STAT1: variants seen among roughly 807,000 people sequenced by gnomAD.
The protein encoded by STAT1 is signal transducer and activator of transcription 1-alpha/beta.
A neutral mutation model predicts 111.7 loss-of-function variants in STAT1; 24 were observed. The ratio of observed to expected loss-of-function variants is 0.21; its 90% CI spans 0.16 to 0.30. STAT1 has a LOEUF of 0.30. STAT1 is among the 10% of genes least tolerant of loss of function. The pLI, the probability that STAT1 is intolerant of heterozygous loss-of-function variation, is 1.00. For synonymous variants in STAT1, 332 were observed against 326.5 expected (o/e 1.02, Z -0.18); for missense variants, 351 against 911.9 (o/e 0.38, Z 7.92).
rs1465677837 is a variant in STAT1, at chr2:191,003,866, G to A, written c.373-2703C>T. On this transcript the variant is annotated intron_variant, in intron 5 of 24. Coordinates refer to ENST00000361099, the MANE Select transcript of STAT1 (RefSeq NM_007315.4). The surrounding 1 kb of genome is among the most constrained non-coding windows in gnomAD (Gnocchi z 4.0). The stretch of plus-strand genomic sequence containing the variant: ...AGCTGGGACACTACACCTAGAGAGA[G>A]GGACCAGGCCACTGGAGAATTCTGA... Among the ~76,000 whole-genome samples the A allele has an allele frequency of 6.6e-6, 1 of 152,196 alleles. No individual in the cohort carries two copies. Among genetic ancestry groups the A allele is most frequent in the Non-Finnish European group, 1.5e-5 (1 of 68,040 alleles).
chr2:190,991,165 A>T (rs1693301001), intron 11 of STAT1, 63 bp downstream of exon 11: 7 of 1,530,642 alleles, frequency 4.6e-6, no homozygotes, highest in Non-Finnish European at 6.3e-6. Flanking sequence ...TTTTTATAAA[A>T]GGAAACTAGG....
Position 191,006,149 on chromosome 2 carries a change from T to C in STAT1, c.372+1414A>G, listed in dbSNP as rs547984608. ...CCCATCTTTGCTCCTGGCTGTCCTT[T>C]CAAGTCTATTAGAAATACAGAGGAG... On this transcript the variant is annotated intron_variant, in intron 5 of 24. Coordinates refer to ENST00000361099, the MANE Select transcript of STAT1 (RefSeq NM_007315.4). The surrounding 1 kb of genome is among the most constrained non-coding windows in gnomAD (Gnocchi z 4.6). Among the ~76,000 whole-genome samples the C allele has an allele frequency of 6.6e-6, 1 of 152,298 alleles. No homozygotes were observed. Among genetic ancestry groups the C allele is most frequent in the South Asian group, 2.1e-4 (1 of 4,826 alleles).
chr2:190,984,261 A>T lies in STAT1; in HGVS notation c.1347+49T>A. On this transcript the variant is annotated intron_variant, in intron 16 of 24. Coordinates refer to ENST00000361099, the MANE Select transcript of STAT1 (RefSeq NM_007315.4). The surrounding 1 kb of genome is among the most constrained non-coding windows in gnomAD (Gnocchi z 5.2). Reference sequence around the variant, plus strand: ...AGAAATAAAAATACATGTAACAATTAAAAGTAAAAATAATGAAGTTTTCCA... The same window carrying T: ...AGAAATAAAAATACATGTAACAATTTAAAGTAAAAATAATGAAGTTTTCCA... 2.1e-6 allele frequency: 3 copies of T among 1,409,110 alleles called. No individual in the cohort carries two copies. In the African/African-American group the frequency reaches 4.2e-5, roughly 20 times the overall value. 87.3% of individuals were successfully genotyped at this position (1,409,110 alleles called of 1,614,324 possible).
At chr2:190,985,732 G>T in intron 14 of STAT1, 72 bp from the exon 15 acceptor site, 2 of 1,487,990 alleles carry the variant, frequency 1.3e-6, no homozygotes, top group East Asian at 2.3e-5. Context: ...TTACAAATGA[G>T]AACAAAGTTA....
At position 190,996,016 on chromosome 2, in the gene STAT1, G is replaced by A. The variant is rs1029031841; in HGVS notation, c.786-797C>T. ...GGCATCAGCAAGCAGTGTCTCGGCA[G>A]GACCAGTCAGAGATGTGGGGCAGAG... On this transcript the variant is annotated intron_variant, in intron 9 of 24. Transcript: ENST00000361099. This position sits in a 1 kb window ranked among gnomAD's most constrained non-coding sequence, Gnocchi z 4.5. Among the ~76,000 whole-genome samples the A allele has an allele frequency of 1.3e-5, 2 of 150,960 alleles. No homozygotes were observed. Among genetic ancestry groups the A allele is most frequent in the African/African-American group, 2.5e-5 (1 of 40,736 alleles).
In STAT1 at chr2:190,976,796, G is replaced by A. The variant is rs544185633; in HGVS notation, c.2059+44C>T. ...TTTCAGAATAATCACCCCCTCATCA[G>A]GAAAGACTGTGCCACGCTGTTACCA... On this transcript the variant is annotated intron_variant, in intron 22 of 24. Transcript: ENST00000361099. The surrounding 1 kb of genome is among the most constrained non-coding windows in gnomAD (Gnocchi z 6.0). 6.4e-7 allele frequency: 1 copy of A among 1,550,878 alleles called. No homozygotes were observed. Among genetic ancestry groups the A allele is most frequent in the African/African-American group, 1.4e-5 (1 of 73,588 alleles).
rs7562400 is a variant in STAT1 at position 190,971,836 on chromosome 2, C to A, written c.2239-1119G>T. ...CAAGCGATCCTCCTGCCTCAGCCCCCCTAGTAGCTGGGATTACAGGCACAC... is the reference window on the plus strand; with the variant it reads ...CAAGCGATCCTCCTGCCTCAGCCCCACTAGTAGCTGGGATTACAGGCACAC... On this transcript the variant is annotated intron_variant, in intron 24 of 24. Transcript: ENST00000361099. The surrounding 1 kb of genome is among the most constrained non-coding windows in gnomAD (Gnocchi z 4.1). 2.7e-4 allele frequency among the ~76,000 whole-genome samples: 41 copies of A among 151,490 alleles called. No homozygotes were observed. The highest frequency in any genetic ancestry group is 9.5e-4 in the African/African-American group (39 of 41,176).
At position 190,975,192 on chromosome 2, in the gene STAT1, G is replaced by A; in HGVS notation, c.2136-260C>T. On this transcript the variant is annotated intron_variant, in intron 23 of 24. Transcript: ENST00000361099. The surrounding 1 kb of genome is among the most constrained non-coding windows in gnomAD (Gnocchi z 5.9). ...CCAGACTGGAATCTGTGCCGCTTCTGCCTGGGTAAGCCTAGGTGTGAGCAT... is the reference window on the plus strand; with the variant it reads ...CCAGACTGGAATCTGTGCCGCTTCTACCTGGGTAAGCCTAGGTGTGAGCAT... 1 of 485,452 alleles carries A rather than the reference G, an allele frequency of 2.1e-6. No homozygotes were observed. The highest frequency in any genetic ancestry group is 4.0e-6 in the Non-Finnish European group (1 of 248,278). The allele number at this position is 485,452 out of a possible 1,614,324, so 30.1% of individuals were successfully genotyped here.
chr2:190,989,915 C>T lies in STAT1; in HGVS notation c.1038-241G>A, dbSNP rs1473760706. On this transcript the variant is annotated intron_variant, in intron 11 of 24. Transcript: ENST00000361099. This position sits in a 1 kb window ranked among gnomAD's most constrained non-coding sequence, Gnocchi z 5.0. ...TAACACTAATTCTGACAGGATGCCGCCCTGATTTTACATTGCCACCAAAAG... is the reference window on the plus strand; with the variant it reads ...TAACACTAATTCTGACAGGATGCCGTCCTGATTTTACATTGCCACCAAAAG... Among the ~76,000 whole-genome samples the T allele has an allele frequency of 6.6e-6, 1 of 152,202 alleles. No homozygotes were observed.
rs982938470 is a variant in STAT1, at chr2:190,981,817, A to G, written c.1582+566T>C. ...ATCTTTGATTTGTTTAGTATGAAGGACTAATAAATGCACTGACATTAACCA... is the reference window on the plus strand; with the variant it reads ...ATCTTTGATTTGTTTAGTATGAAGGGCTAATAAATGCACTGACATTAACCA... On this transcript the variant is annotated intron_variant, in intron 18 of 24. Coordinates refer to ENST00000361099, the MANE Select transcript of STAT1 (RefSeq NM_007315.4). The surrounding 1 kb of genome is among the most constrained non-coding windows in gnomAD (Gnocchi z 4.1). 6.6e-6 allele frequency among the ~76,000 whole-genome samples: 1 copy of G among 152,258 alleles called. No individual in the cohort carries two copies. Among genetic ancestry groups the G allele is most frequent in the Non-Finnish European group, 1.5e-5 (1 of 68,044 alleles).
At position 191,000,585 on chromosome 2, in the gene STAT1, A is replaced by C. The variant is rs752054935; in HGVS notation, c.462+489T>G. On this transcript the variant is annotated intron_variant, in intron 6 of 24. Transcript: ENST00000361099. This position sits in a 1 kb window ranked among gnomAD's most constrained non-coding sequence, Gnocchi z 4.8. ...GACGCCAGAGCAGCCCTCTGCTTCC[A>C]TAAATTGACTTGGAAGTTGTATCCT... 1.4e-4 allele frequency among the ~76,000 whole-genome samples: 22 copies of C among 152,248 alleles called. No homozygotes were observed. Among genetic ancestry groups the C allele is most frequent in the Non-Finnish European group, 2.9e-4 (20 of 68,046 alleles).
In STAT1 at chr2:190,986,027, G is replaced by A. The variant is rs1381730857; in HGVS notation, c.1222-367C>T. ...CAGAGTCCTCCAGGCTGGGCCCAGT[G>A]ACTCCAGGTCCACCTGCCCTCAAGT... is the stretch of plus-strand genomic sequence containing the variant. On this transcript the variant is annotated intron_variant, in intron 14 of 24. Coordinates refer to ENST00000361099, the MANE Select transcript of STAT1 (RefSeq NM_007315.4). The surrounding 1 kb of genome is among the most constrained non-coding windows in gnomAD (Gnocchi z 5.0). Among the ~76,000 whole-genome samples, 2 of 152,188 alleles carry A rather than the reference G, an allele frequency of 1.3e-5. No individual in the cohort carries two copies. The highest frequency in any genetic ancestry group is 4.8e-5 in the African/African-American group (2 of 41,456).
Position 190,999,755 on chromosome 2 carries a change from A to C in STAT1, c.463-51T>G. 2 of 1,308,382 alleles carry C rather than the reference A, an allele frequency of 1.5e-6. No homozygotes were observed. Among genetic ancestry groups the C allele is most frequent in the Non-Finnish European group, 2.2e-6 (2 of 905,490 alleles). The allele number at this position is 1,308,382 out of a possible 1,614,324, so 81.0% of individuals were successfully genotyped here. Reference sequence around the variant, plus strand: ...TTCTACTGATCAGCAACTTCCAAAGACTTTAGGCAACAGAGTATTGCTTCT... The same window carrying C: ...TTCTACTGATCAGCAACTTCCAAAGCCTTTAGGCAACAGAGTATTGCTTCT... On this transcript the variant is annotated intron_variant, in intron 6 of 24. Transcript: ENST00000361099. This position sits in a 1 kb window ranked among gnomAD's most constrained non-coding sequence, Gnocchi z 4.1.
rs1159031678 is a variant in STAT1 at position 190,977,286 on chromosome 2, GATTT to G, written c.1874-265_1874-262del. Among the ~76,000 whole-genome samples, 13 of 152,128 alleles carry G rather than the reference GATTT, an allele frequency of 8.5e-5. No homozygotes were observed. Among genetic ancestry groups the G allele is most frequent in the Admixed American group, 5.9e-4 (9 of 15,282 alleles). On this transcript the variant is annotated intron_variant, in intron 21 of 24. Coordinates refer to ENST00000361099, the MANE Select transcript of STAT1 (RefSeq NM_007315.4). This position sits in a 1 kb window ranked among gnomAD's most constrained non-coding sequence, Gnocchi z 4.7. ...TAGATTTATAAATCTGGGCAAAAAA[GATTT>G]ATTAAAAACCTTTAAAAGCCTGCAT...
chr2:190,974,997 T>TA lies in STAT1; in HGVS notation c.2136-66dup. 1 of 1,154,760 alleles carries TA rather than the reference T, an allele frequency of 8.7e-7. No homozygotes were observed. The highest frequency in any genetic ancestry group is 1.8e-5 in the Admixed American group (1 of 54,810). The allele number at this position is 1,154,760 out of a possible 1,614,324, so 71.5% of individuals were successfully genotyped here. A position where few individuals can be genotyped will look rare whatever the true frequency, so the allele number is the denominator to read the frequency against. On this transcript the variant is annotated intron_variant, in intron 23 of 24. Coordinates refer to ENST00000361099, the MANE Select transcript of STAT1 (RefSeq NM_007315.4). The surrounding 1 kb of genome is among the most constrained non-coding windows in gnomAD (Gnocchi z 4.8). ...AGTGATGAAAGCACTAGTGCATACTTACACACTTTATCTTTTGTCTGTAAT... is the reference window on the plus strand; with the variant it reads ...AGTGATGAAAGCACTAGTGCATACTTAACACACTTTATCTTTTGTCTGTAAT...
chr2:190,986,875 C>T lies in STAT1; in HGVS notation c.1200G>A (p.Leu400=). ...CTACCAGGTGCCGAAATTCAGCCGC[C>T]AGACTGCCATTGGTGGACTCCTCCA... ...MNMEESTNGS[L]AAEFRHLQLK... The change falls in exon 14 of 25, where the codon CTG becomes CTA. Residue 400 remains leucine (L), a synonymous_variant. Coordinates refer to ENST00000361099, the MANE Select transcript of STAT1 (RefSeq NM_007315.4). This position sits in a 1 kb window ranked among gnomAD's most constrained non-coding sequence, Gnocchi z 5.0. The T allele has an allele frequency of 6.2e-7, 1 of 1,614,218 alleles. No individual in the cohort carries two copies. Among genetic ancestry groups the T allele is most frequent in the Non-Finnish European group, 8.5e-7 (1 of 1,180,038 alleles).
At chr2:191,008,644 T>G (rs969586020) in intron 4 of STAT1, among the ~76,000 whole-genome samples, 8 of 152,230 alleles carry the variant, frequency 5.3e-5, no homozygotes, top group African/African-American at 1.9e-4. Context: ...GCTCTTAAAA[T>G]GTAGCCCCTT....
intron 24 of STAT1, among the ~76,000 whole-genome samples, chr2:190,972,630 G>A: frequency 6.6e-6 from 1 of 152,200 alleles, no homozygotes; most frequent in East Asian, 1.9e-4. Context: ...TGGCCAAGGG[G>A]CAGGACAGCA....
chr2:191,008,887 G>C, intron 4 of STAT1, 76 bp downstream of exon 4: 1 of 1,506,670 alleles, frequency 6.6e-7, no homozygotes, highest in Non-Finnish European at 9.1e-7. Context: ...GTGCTCAATT[G>C]TATTTGCTGA....
Sources: allele counts gnomAD v4.1 joint callset (sites outside exome capture counted in the v4.1 genomes callset), GRCh38; gene constraint gnomAD v4.1.1; non-coding constraint Gnocchi (gnomAD v3.1); transcripts MANE v1.5; gene names NCBI Gene and HGNC (gene_info 2026-07-23, HGNC 2026-07-21).